HMCN2: variants seen among roughly 807,000 people sequenced by gnomAD.
The protein encoded by HMCN2 is hemicentin-2.
HMCN2 carries 325 observed loss-of-function variants against 377.5 expected under a neutral mutation model. That is an observed-to-expected ratio of 0.86 (90% CI 0.79 to 0.94). The LOEUF (loss-of-function observed/expected upper bound fraction) is 0.94, where lower values mean the gene tolerates loss of function less well. Among genes scored for constraint, HMCN2 ranks in the 40% least tolerant of loss-of-function variants. The probability of loss-of-function intolerance (pLI) is 0.00; values close to 1 mark genes in which losing one functional copy is unlikely to be tolerated. For synonymous variants in HMCN2, 2,007 were observed against 2,046.8 expected, an observed-to-expected ratio of 0.98 and a Z score of 0.53; for missense variants, 4,543 against 4,725.3, an observed-to-expected ratio of 0.96 and a Z score of 1.13.
At chr9:130,278,718 G>A (rs1313780300) in intron 1 of HMCN2, among the ~76,000 whole-genome samples, 2 of 151,792 alleles carry the variant, frequency 1.3e-5, no homozygotes, top group East Asian at 1.9e-4. Context: ...AAGTAGCTGG[G>A]ATTACAGGCA....
rs143301831 is a variant in HMCN2 at position 130,389,630 on chromosome 9, A to C, written c.9523+1090A>C. Among the ~76,000 whole-genome samples, 1,067 of 150,650 alleles carry C rather than the reference A, an allele frequency of 7.1e-3. 12 individuals are homozygous for C. Among genetic ancestry groups the C allele is most frequent in the African/African-American group, 0.025 (1,011 of 40,926 alleles). On this transcript the variant is annotated intron_variant, in intron 62 of 97. Transcript: ENST00000683500. ...CGCTCTGTTACCCAGGCTGGGGTGC[A>C]GTGCCACAATCTCGGCTCACTGCAA...
chr9:130,373,541 G>C (rs1008458133), intron 48 of HMCN2, among the ~76,000 whole-genome samples: 3 of 144,446 alleles, frequency 2.1e-5, no homozygotes, highest in African/African-American at 7.6e-5. Flanking sequence ...GGCAGAGTAG[G>C]CTCCCATTCG....
rs1200238119 is a variant in HMCN2, at chr9:130,285,247, G to A, written c.420G>A (p.Ser140=). 1.7e-5 allele frequency: 8 copies of A among 471,016 alleles called. No homozygotes were observed. The highest frequency in any genetic ancestry group is 3.1e-5 in the Non-Finnish European group (7 of 227,048). 29.2% of individuals were successfully genotyped at this position (471,016 alleles called of 1,614,324 possible). A position where few individuals can be genotyped will look rare whatever the true frequency, so the allele number is the denominator to read the frequency against. The change falls in exon 3 of 98, where the codon TCG becomes TCA. Residue 140 remains serine (S), a synonymous_variant. Transcript: ENST00000683500. ...CCGGATCCTTCATCTACGTCTTTTC[G>A]GATGCCCGCGCCAAAGACTATCACA... ...ANPGSFIYVF[S]DARAKDYHKK...
chr9:130,388,510 G>A lies in HMCN2; in HGVS notation c.9493G>A (p.Val3165Ile). The A allele has an allele frequency of 1.0e-6, 1 of 988,106 alleles. No homozygotes were observed. The highest frequency in any genetic ancestry group is 1.2e-6 in the Non-Finnish European group (1 of 830,130). The allele number at this position is 988,106 out of a possible 1,614,324, so 61.2% of individuals were successfully genotyped here. ...TGTGTCCGGGGTCCCTGCACCCACGGTCACTTGGCTGAAGGACAGGATGCC... is the reference window on the plus strand; with the variant it reads ...TGTGTCCGGGGTCCCTGCACCCACGATCACTTGGCTGAAGGACAGGATGCC... ...CDVSGVPAPT[V>I]TWLKDRMPVE... Residue 3165 changes from valine to isoleucine, a missense_variant, in exon 62 of 98, where the codon GTC (valine) becomes ATC (isoleucine). Physicochemically the swap from Val to Ile is conservative, Grantham distance 29. Coordinates refer to ENST00000683500, the MANE Select transcript of HMCN2 (RefSeq NM_001291815.2).
At chr9:130,381,122 C>T (rs962462685) in intron 54 of HMCN2, among the ~76,000 whole-genome samples, 6 of 152,320 alleles carry the variant, frequency 3.9e-5, no homozygotes, top group South Asian at 2.1e-4. Flanking sequence ...AGAAAATAGG[C>T]GTCATGGTCA....
intron 19 of HMCN2, among the ~76,000 whole-genome samples, chr9:130,324,998 T>C (rs1838050786): frequency 6.6e-6 from 1 of 152,028 alleles, no homozygotes; most frequent in Non-Finnish European, 1.5e-5. Context: ...GTAGCTTCAC[T>C]GCCCTAAAAA....
intron 85 of HMCN2, among the ~76,000 whole-genome samples, chr9:130,412,713 A>T (rs756180142): frequency 5.9e-5 from 9 of 151,928 alleles, no homozygotes; most frequent in Non-Finnish European, 1.0e-4. Context: ...AGTAGCTGGG[A>T]TTACAGGCAC....
intron 96 of HMCN2, 84 bp from the exon 97 acceptor site, chr9:130,432,345 G>C (rs1482362901): frequency 2.3e-6 from 3 of 1,315,450 alleles, no homozygotes; most frequent in Non-Finnish European, 3.2e-6. Context: ...GTCCCCCAAA[G>C]GTACTTCTCC....
chr9:130,396,019 C>T lies in HMCN2; in HGVS notation c.11007C>T (p.Arg3669=). 3.9e-6 allele frequency: 5 copies of T among 1,287,396 alleles called. No individual in the cohort carries two copies. Among genetic ancestry groups the T allele is most frequent in the Non-Finnish European group, 5.1e-6 (5 of 988,694 alleles). The allele number at this position is 1,287,396 out of a possible 1,614,324, so 79.7% of individuals were successfully genotyped here. Residue 3669 remains arginine (R), a synonymous_variant, in exon 72 of 98, where the codon CGC becomes CGT. Transcript: ENST00000683500. Reference sequence around the variant, plus strand: ...GCGGCGACTACAGCTGCACAGCCCGCAACGCCGCAGGCAGCACTAGTGTCG... The same window carrying T: ...GCGGCGACTACAGCTGCACAGCCCGTAACGCCGCAGGCAGCACTAGTGTCG... The part of the protein sequence containing the change: ...ADSGDYSCTA[R]NAAGSTSVAF...
chr9:130,429,178 C>G (rs1447188235), intron 93 of HMCN2: 1 of 212,846 alleles, frequency 4.7e-6, no homozygotes, highest in Admixed American at 5.3e-5. Context: ...CTTAGCTCTT[C>G]CCACATACCA....
chr9:130,365,162 A>T (rs916437487), intron 41 of HMCN2, among the ~76,000 whole-genome samples: 9 of 151,972 alleles, frequency 5.9e-5, no homozygotes, highest in Non-Finnish European at 1.3e-4. Flanking sequence ...GAGCACTGCC[A>T]TTTGGTTTCC....
intron 70 of HMCN2, 38 bp from the exon 71 acceptor site, chr9:130,395,172 GT>G: frequency 1.2e-5 from 15 of 1,284,394 alleles, no homozygotes; most frequent in Non-Finnish European, 1.5e-5. Flanking sequence ...GCAGGGGTGA[GT>G]CCCCCTCTCA....
intron 23 of HMCN2, among the ~76,000 whole-genome samples, chr9:130,340,535 T>TTC (rs1380150931): frequency 1.3e-5 from 2 of 149,796 alleles, no homozygotes; most frequent in East Asian, 1.9e-4. Context: ...TTTTTTTTTT[T>TTC]CTTAGACGGA....
intron 8 of HMCN2, among the ~76,000 whole-genome samples, chr9:130,299,983 C>G (rs1037640730): frequency 6.6e-6 from 1 of 151,754 alleles, no homozygotes; most frequent in East Asian, 1.9e-4. Flanking sequence ...ACTCACCCAC[C>G]CATCTACCCA....
intron 85 of HMCN2, among the ~76,000 whole-genome samples, chr9:130,412,133 G>A (rs186881124): frequency 1.1e-3 from 167 of 152,182 alleles, no homozygotes; most frequent in African/African-American, 3.8e-3. Flanking sequence ...CACCACACCC[G>A]GCTAATTTTT....
chr9:130,377,562 G>T, intron 52 of HMCN2, 87 bp from the exon 53 acceptor site: 2 of 719,318 alleles, frequency 2.8e-6, no homozygotes, highest in South Asian at 6.2e-5. Flanking sequence ...TTTGGAGAAT[G>T]TATTGAGAAT....
chr9:130,290,471 C>T (rs1401413692), intron 4 of HMCN2, among the ~76,000 whole-genome samples: 3 of 152,244 alleles, frequency 2.0e-5, no homozygotes, highest in East Asian at 3.8e-4. Flanking sequence ...GGGTAATTGT[C>T]GACTGGTGCT....
intron 11 of HMCN2, 75 bp from the exon 12 acceptor site, chr9:130,306,054 C>A (rs1554936552): frequency 6.7e-6 from 3 of 449,652 alleles, no homozygotes. Context: ...AGGGGAAGAG[C>A]CCGGGGCGGG....
chr9:130,301,528 G>A (rs550859087), intron 8 of HMCN2, among the ~76,000 whole-genome samples: 134 of 152,302 alleles, frequency 8.8e-4, no homozygotes, highest in Non-Finnish European at 1.3e-3. Context: ...GTCCCATTTA[G>A]CTCATGGAAA....
Sources: allele counts gnomAD v4.1 joint callset (sites outside exome capture counted in the v4.1 genomes callset), GRCh38; gene constraint gnomAD v4.1.1; transcripts MANE v1.5; gene names NCBI Gene and HGNC (gene_info 2026-07-23, HGNC 2026-07-21).